Variants in CMSS1 observed in about 807,000 individuals in gnomAD.
CMSS1 encodes protein CMSS1.
Under a neutral mutation model 43.5 loss-of-function variants are expected in CMSS1, and 33 were observed. The observed-to-expected ratio is 0.76, with a 90% CI of 0.57 to 1.01. CMSS1 has a LOEUF of 1.01. CMSS1 is among the 50% of genes least tolerant of loss of function. The pLI, the probability that CMSS1 is intolerant of heterozygous loss-of-function variation, is 0.00. For synonymous variants in CMSS1, 115 were observed against 117.2 expected (o/e 0.98, Z 0.12); for missense variants, 313 against 326.4 (o/e 0.96, Z 0.32).
intron 1 of CMSS1, among the ~76,000 whole-genome samples, chr3:99,947,499 C>T (rs1321916263): frequency 6.6e-6 from 1 of 152,164 alleles, no homozygotes; most frequent in Non-Finnish European, 1.5e-5. Flanking sequence ...CCCTATGGAT[C>T]CAGAAGGGAC....
intron 1 of CMSS1, among the ~76,000 whole-genome samples, chr3:100,139,816 C>T (rs2066790698): frequency 6.7e-6 from 1 of 148,938 alleles, no homozygotes; most frequent in Non-Finnish European, 1.5e-5. Context: ...AAAAAAAATC[C>T]AGCCAGGACA....
intron 1 of CMSS1, among the ~76,000 whole-genome samples, chr3:99,959,347 G>A (rs761112526): frequency 1.1e-4 from 16 of 152,184 alleles, no homozygotes; most frequent in African/African-American, 1.9e-4. Context: ...GCGGGGTTTC[G>A]CCATGCTGGC....
Position 100,171,936 on chromosome 3 carries a change from C to G in CMSS1, c.579+37C>G, listed in dbSNP as rs188839335. ...CCTGTGTGATCCCTAAAGGCCTCTC[C>G]CAGACCTCAGCTTTTTTCCTTTCAA... On this transcript the variant is annotated intron_variant, in intron 7 of 9. Transcript: ENST00000421999. 4.0e-6 allele frequency: 6 copies of G among 1,517,576 alleles called. No individual in the cohort carries two copies. The Admixed American group carries it at 8.5e-5, about 22-fold the overall frequency. 94.0% of individuals were successfully genotyped at this position (1,517,576 alleles called of 1,614,324 possible).
chr3:100,172,064 A>T (rs992379251), intron 7 of CMSS1, 165 bp downstream of exon 7: 2 of 648,088 alleles, frequency 3.1e-6, no homozygotes, highest in African/African-American at 1.8e-5. Context: ...CTGCATACCT[A>T]CCTCCCCAGT....
chr3:99,907,638 C>G (rs1706662492), intron 1 of CMSS1, among the ~76,000 whole-genome samples: 1 of 152,182 alleles, frequency 6.6e-6, no homozygotes, highest in South Asian at 2.1e-4. Flanking sequence ...GTACTTAAGC[C>G]AAACCATATT....
intron 1 of CMSS1, among the ~76,000 whole-genome samples, chr3:99,903,600 A>G (rs1214778464): frequency 6.6e-6 from 1 of 152,148 alleles, no homozygotes; most frequent in Non-Finnish European, 1.5e-5. Flanking sequence ...GGACCAAAAA[A>G]AAAGTAGGTT....
chr3:100,127,558 G>A (rs1297310986), intron 1 of CMSS1, among the ~76,000 whole-genome samples: 4 of 152,176 alleles, frequency 2.6e-5, no homozygotes, highest in African/African-American at 9.7e-5. Flanking sequence ...ATTTGGTGAG[G>A]ACATTTGCAC....
At chr3:99,971,841 G>T (rs934202964) in intron 1 of CMSS1, among the ~76,000 whole-genome samples, 3 of 152,158 alleles carry the variant, frequency 2.0e-5, no homozygotes, top group Non-Finnish European at 4.4e-5. Context: ...TAATGACGTT[G>T]GGGCCTCTGG....
intron 1 of CMSS1, among the ~76,000 whole-genome samples, chr3:99,954,563 C>T (rs2107692939): frequency 1.3e-5 from 2 of 152,288 alleles, no homozygotes; most frequent in South Asian, 4.2e-4. Flanking sequence ...CAGTGGCTCA[C>T]ACCTGTAATC....
chr3:99,853,218 GCTTCTTTCTCCTGC>G (rs1166437317), intron 1 of CMSS1, among the ~76,000 whole-genome samples: 1 of 152,218 alleles, frequency 6.6e-6, no homozygotes, highest in Non-Finnish European at 1.5e-5. Flanking sequence ...TTGGCAAAGT[GCTTCTTTCTCCTGC>G]CTTAGCATTA....
intron 1 of CMSS1, chr3:99,830,446 T>G (rs896309353): frequency 9.9e-5 from 45 of 455,044 alleles, no homozygotes; most frequent in Non-Finnish European, 1.6e-4. Context: ...AGGAAGGTGT[T>G]GGAGGTGACA....
chr3:99,991,815 A>G (rs141997220), intron 1 of CMSS1, among the ~76,000 whole-genome samples: 19 of 137,920 alleles, frequency 1.4e-4, no homozygotes, highest in African/African-American at 5.1e-4. Flanking sequence ...ATAGTATTCC[A>G]TGGTGTGTGT....
chr3:100,102,304 A>G (rs1576063414), intron 1 of CMSS1, among the ~76,000 whole-genome samples: 2 of 151,924 alleles, frequency 1.3e-5, no homozygotes, highest in South Asian at 4.2e-4. Flanking sequence ...CTTTTTAATG[A>G]TCGCCATTCT....
At chr3:100,133,251 C>T (rs1439983081) in intron 1 of CMSS1, among the ~76,000 whole-genome samples, 1 of 152,024 alleles carries the variant, frequency 6.6e-6, no homozygotes, top group Non-Finnish European at 1.5e-5. Context: ...TTTTTCAAGA[C>T]TAATGACATG....
intron 1 of CMSS1, among the ~76,000 whole-genome samples, chr3:99,852,252 G>C (rs751983391): frequency 2.0e-5 from 3 of 152,076 alleles, no homozygotes; most frequent in Non-Finnish European, 4.4e-5. Flanking sequence ...GAATCCCTAA[G>C]GAATTGAACC....
At chr3:100,140,884 C>T (rs574299071) in intron 1 of CMSS1, among the ~76,000 whole-genome samples, 1 of 152,126 alleles carries the variant, frequency 6.6e-6, no homozygotes, top group South Asian at 2.1e-4. Context: ...CCAACCACAG[C>T]AATTCTGAAA....
intron 1 of CMSS1, among the ~76,000 whole-genome samples, chr3:100,116,062 A>G (rs1325609282): frequency 6.6e-6 from 1 of 152,192 alleles, no homozygotes; most frequent in Non-Finnish European, 1.5e-5. Flanking sequence ...TGGCAGGAAT[A>G]CTACAGAAAC....
intron 1 of CMSS1, among the ~76,000 whole-genome samples, chr3:100,145,265 T>TC (rs2066839068): frequency 6.6e-6 from 1 of 151,908 alleles, no homozygotes. Flanking sequence ...ACATGGCGAA[T>TC]CCCTGCCTCT....
chr3:99,964,036 GC>G (rs1304723844), intron 1 of CMSS1, among the ~76,000 whole-genome samples: 3 of 152,094 alleles, frequency 2.0e-5, no homozygotes, highest in Admixed American at 1.3e-4. Context: ...TAATCTTCAA[GC>G]CCATGTTTGA....
Sources: gnomAD v4.1 joint callset for allele counts (sites outside exome capture counted in the v4.1 genomes callset) on GRCh38, gnomAD v4.1.1 for gene constraint, MANE v1.5 for transcripts, NCBI Gene and HGNC (gene_info 2026-07-23, HGNC 2026-07-21) for gene names.